RTN4: variants seen among roughly 807,000 people sequenced by gnomAD.
RTN4 encodes reticulon-4.
A neutral mutation model predicts 90.4 loss-of-function variants in RTN4; 32 were observed. The observed-to-expected ratio is 0.35, with a 90% CI of 0.27 to 0.48. The LOEUF is 0.48. Among genes scored for constraint, RTN4 ranks in the 20% least tolerant of loss-of-function variants. The probability of loss-of-function intolerance (pLI) is 0.99; values close to 1 mark genes in which losing one functional copy is unlikely to be tolerated. For synonymous variants in RTN4, 629 were observed against 552.5 expected (o/e 1.14, Z -1.94); for missense variants, 1,706 against 1,430.2 (o/e 1.19, Z -3.11).
chr2:55,004,966 GACT>G (rs1680103659), intron 3 of RTN4, among the ~76,000 whole-genome samples: 2 of 152,072 alleles, frequency 1.3e-5, no homozygotes, highest in Non-Finnish European at 2.9e-5. Flanking sequence ...CTTTGATAAG[GACT>G]ACTTCAGCAA....
intron 2 of RTN4, among the ~76,000 whole-genome samples, chr2:55,058,866 A>ATTT (rs71410412): frequency 6.6e-6 from 1 of 151,118 alleles, no homozygotes. Flanking sequence ...TTTTTTGATA[A>ATTT]TTTTTTTTTT....
chr2:54,994,483 G>A (rs1042791350), intron 3 of RTN4, among the ~76,000 whole-genome samples: 3 of 152,124 alleles, frequency 2.0e-5, no homozygotes, highest in African/African-American at 4.8e-5. Flanking sequence ...AAAACCACAT[G>A]ATCATCCCAA....
In RTN4 at chr2:55,026,971, C is replaced by G; in HGVS notation, c.1128G>C (p.Val376=). The stretch of plus-strand genomic sequence containing the variant: ...CATATTCCTCCCTCATAGGAGCTTC[C>G]ACTGCAACTCTCTTTTCATTAAAAC... ...KDSFNEKRVA[V]EAPMREEYAD... Residue 376 remains valine (V), a synonymous_variant, in exon 3 of 9, where the codon GTG becomes GTC. Coordinates refer to ENST00000337526, the MANE Select transcript of RTN4 (RefSeq NM_020532.5). 1 of 1,613,356 alleles carries G rather than the reference C, an allele frequency of 6.2e-7. No individual in the cohort carries two copies. Among genetic ancestry groups the G allele is most frequent in the African/African-American group, 1.3e-5 (1 of 74,996 alleles).
chr2:55,115,100 T>C (rs974264925), upstream of RTN4, among the ~76,000 whole-genome samples: 1 of 152,204 alleles, frequency 6.6e-6, no homozygotes, highest in Non-Finnish European at 1.5e-5. Context: ...ATTATGCATA[T>C]TAGCTTTTTG....
At chr2:55,111,366 GA>G (rs1456818492) in intron 1 of RTN4, among the ~76,000 whole-genome samples, 5 of 152,192 alleles carry the variant, frequency 3.3e-5, no homozygotes, top group Admixed American at 6.5e-5. Context: ...GGTATCAACA[GA>G]AACAACGAAA....
intron 3 of RTN4, among the ~76,000 whole-genome samples, chr2:54,999,237 A>C (rs1428607423): frequency 6.6e-6 from 1 of 152,214 alleles, no homozygotes; most frequent in African/African-American, 2.4e-5. Flanking sequence ...AGTACACTTA[A>C]ATCTTTTCTT....
At chr2:55,013,369 T>C (rs551142343) in intron 3 of RTN4, among the ~76,000 whole-genome samples, 1 of 152,194 alleles carries the variant, frequency 6.6e-6, no homozygotes, top group East Asian at 1.9e-4. Context: ...AGATGAAAAC[T>C]TGCCCAAATA....
At chr2:55,135,883 G>C in the RTN4 span, among the ~76,000 whole-genome samples, 2 of 152,168 alleles carry the variant, frequency 1.3e-5, no homozygotes, top group Admixed American at 1.3e-4. Flanking sequence ...GTTGTTGCAT[G>C]TATCAGTAGT....
intron 2 of RTN4, among the ~76,000 whole-genome samples, chr2:55,063,629 C>T (rs541124930): frequency 2.0e-4 from 29 of 148,402 alleles, no homozygotes; most frequent in Non-Finnish European, 3.0e-4. Context: ...ACCTGTAATG[C>T]CTGCACTCTG....
At chr2:55,073,860 G>C (rs1668556165) in intron 2 of RTN4, among the ~76,000 whole-genome samples, 1 of 152,184 alleles carries the variant, frequency 6.6e-6, no homozygotes, top group African/African-American at 2.4e-5. Context: ...TCGTTGGTTG[G>C]TGGCAGTGCC....
In RTN4 at chr2:55,027,465, G is replaced by C. The variant is rs1278910532; in HGVS notation, c.634C>G (p.Gln212Glu). Residue 212 changes from glutamine to glutamate, a missense_variant, in exon 3 of 9, where the codon CAG becomes GAG. Physicochemically the swap from Gln to Glu is conservative, Grantham distance 29 (BLOSUM62 2). Coordinates refer to ENST00000337526, the MANE Select transcript of RTN4 (RefSeq NM_020532.5). Reference protein sequence around the residue: ...SSAENMDLKEQPGNTISAGQE... With the variant: ...SSAENMDLKEEPGNTISAGQE... Reference sequence around the variant, plus strand: ...CCAGCCGAAATAGTGTTACCTGGCTGCTCCTTCAAGTCCATATTTTCTGTG... The same window carrying C: ...CCAGCCGAAATAGTGTTACCTGGCTCCTCCTTCAAGTCCATATTTTCTGTG... The C allele has an allele frequency of 6.2e-7, 1 of 1,607,658 alleles. No homozygotes were observed. The highest frequency in any genetic ancestry group is 1.1e-5 in the South Asian group (1 of 90,098).
chr2:55,125,288 C>T, the RTN4 span, among the ~76,000 whole-genome samples: 2 of 152,142 alleles, frequency 1.3e-5, no homozygotes, highest in Non-Finnish European at 2.9e-5. Flanking sequence ...GAGCTCTGCA[C>T]AGCAAAAGAA....
At position 55,027,392 on chromosome 2, in the gene RTN4, G is replaced by A. The variant is rs893334634; in HGVS notation, c.707C>T (p.Pro236Leu). 9.3e-6 allele frequency: 15 copies of A among 1,613,612 alleles called. No homozygotes were observed. The highest frequency in any genetic ancestry group is 1.3e-5 in the Non-Finnish European group (15 of 1,179,792). Residue 236 changes from proline to leucine, a missense_variant, in exon 3 of 9, where the codon CCT becomes CTT. Physicochemically the swap from Pro to Leu is moderately conservative, Grantham distance 98. Transcript: ENST00000337526. ...AGCGGCTGAGAGAGGAGACAGAGAA[G>A]GAAGAGAAGCAGCAGTTTCAAGCAG... ...SVLLETAASL[P>L]SLSPLSAASF... is the part of the protein sequence containing the mutation.
At chr2:55,014,232 A>G (rs372837706) in intron 3 of RTN4, among the ~76,000 whole-genome samples, 44 of 152,300 alleles carry the variant, frequency 2.9e-4, no homozygotes, top group African/African-American at 1.0e-3. Context: ...ACAAGTTAAA[A>G]TAGCAAAACA....
chr2:54,986,200 T>C (rs1368910473), intron 4 of RTN4, among the ~76,000 whole-genome samples: 3 of 151,960 alleles, frequency 2.0e-5, no homozygotes, highest in Non-Finnish European at 4.4e-5. Context: ...TTTTCTTTTG[T>C]TTTTTTTCTC....
At chr2:55,130,585 T>C in the RTN4 span, among the ~76,000 whole-genome samples, 7 of 152,074 alleles carry the variant, frequency 4.6e-5, no homozygotes, top group African/African-American at 1.7e-4. Flanking sequence ...CAAAAATCTC[T>C]ACGAAAAATA....
intron 2 of RTN4, among the ~76,000 whole-genome samples, chr2:55,074,281 C>T (rs991643550): frequency 5.9e-5 from 9 of 152,102 alleles, no homozygotes; most frequent in Admixed American, 2.0e-4. Flanking sequence ...GTGGGAGGAT[C>T]ACTTGAGGCC....
intron 1 of RTN4, among the ~76,000 whole-genome samples, chr2:55,110,523 G>C (rs867185184): frequency 3.3e-4 from 50 of 151,952 alleles, no homozygotes; most frequent in African/African-American, 1.0e-3. Flanking sequence ...GCCAATAAAG[G>C]CTCAAAAAAT....
At chr2:55,053,433 TC>T (rs750776327), upstream of RTN4, among the ~76,000 whole-genome samples, 4 of 152,166 alleles carry the variant, frequency 2.6e-5, no homozygotes, top group Non-Finnish European at 5.9e-5. Context: ...ATGCCTATAA[TC>T]CCCGCACTTT....
Sources: gnomAD v4.1 joint callset for allele counts (sites outside exome capture counted in the v4.1 genomes callset) on GRCh38, gnomAD v4.1.1 for gene constraint, MANE v1.5 for transcripts, NCBI Gene and HGNC (gene_info 2026-07-23, HGNC 2026-07-21) for gene names.